Variants in PPP1R9B observed in about 807,000 individuals in gnomAD.
PPP1R9B encodes protein phosphatase 1 regulatory subunit 9B.
Under a neutral mutation model 75.8 loss-of-function variants are expected in PPP1R9B, and 17 were observed. The ratio of observed to expected loss-of-function variants is 0.22; its 90% CI spans 0.15 to 0.34. The LOEUF (loss-of-function observed/expected upper bound fraction) is 0.34, where lower values mean the gene tolerates loss of function less well. Ranked by LOEUF, PPP1R9B falls within the 10% of genes least tolerant of loss-of-function variation. The probability of loss-of-function intolerance (pLI) is 1.00; values close to 1 mark genes in which losing one functional copy is unlikely to be tolerated. For synonymous variants in PPP1R9B, 509 were observed against 535.4 expected (o/e 0.95, Z 0.68); for missense variants, 875 against 1,196.0 (o/e 0.73, Z 3.96).
chr17:50,141,328 C>A lies in PPP1R9B; in HGVS notation c.1671G>T (p.Leu557=). The A allele has an allele frequency of 6.3e-7, 1 of 1,593,466 alleles. No homozygotes were observed. Among genetic ancestry groups the A allele is most frequent in the East Asian group, 2.3e-5 (1 of 43,500 alleles). Reference sequence around the variant, plus strand: ...CCGCGAAGCTCTGGGTCACTCCCACCAGACTTGTTCCATCCACCTCCACCA... The same window carrying A: ...CCGCGAAGCTCTGGGTCACTCCCACAAGACTTGTTCCATCCACCTCCACCA... ...DLLVEVDGTS[L]VGVTQSFAAS... Residue 557 remains leucine, a synonymous_variant, in exon 4 of 10, where the codon CTG becomes CTT. Coordinates refer to ENST00000612501, the MANE Select transcript of PPP1R9B (RefSeq NM_032595.5).
intron 3 of PPP1R9B, among the ~76,000 whole-genome samples, chr17:50,141,913 C>T (rs902120943): frequency 6.6e-6 from 1 of 152,194 alleles, no homozygotes; most frequent in Non-Finnish European, 1.5e-5. Context: ...TCCCCTCCTT[C>T]ATCATACTTG....
At position 50,150,422 on chromosome 17, in the gene PPP1R9B, TTCAGCGCCTG is replaced by T; in HGVS notation, c.82_91del (p.Gln28SerfsTer71). On this transcript the variant is annotated frameshift_variant, in exon 1 of 10. Transcript: ENST00000612501. LOFTEE classifies it high-confidence loss of function. The surrounding 1 kb of genome is among the most constrained non-coding windows in gnomAD (Gnocchi z 8.7). Reference sequence around the variant, plus strand: ...GTCGGGCCCGGGCGCGTCGGGCGGCTTCAGCGCCTGGATGCCCGCCTCGTAGGCGCTGCGG... The same window carrying T: ...GTCGGGCCCGGGCGCGTCGGGCGGCTGATGCCCGCCTCGTAGGCGCTGCGG... 1 of 1,383,718 alleles carries T rather than the reference TTCAGCGCCTG, an allele frequency of 7.2e-7. No homozygotes were observed. The highest frequency in any genetic ancestry group is 9.4e-7 in the Non-Finnish European group (1 of 1,064,178). The allele number at this position is 1,383,718 out of a possible 1,614,324, so 85.7% of individuals were successfully genotyped here.
At position 50,135,155 on chromosome 17, in the gene PPP1R9B, G is replaced by A; in HGVS notation, c.*176C>T. ...CTCTGTCTGCCCAGGCCATCTTAAG[G>A]GGGCCTGTGATATGAGCCCTCTGGT... On this transcript the variant is annotated 3_prime_UTR_variant, in exon 10 of 10. Transcript: ENST00000612501. The A allele has an allele frequency of 4.9e-6, 3 of 617,800 alleles. No individual in the cohort carries two copies. Among genetic ancestry groups the A allele is most frequent in the Non-Finnish European group, 2.9e-6 (1 of 343,632 alleles). 38.3% of individuals were successfully genotyped at this position (617,800 alleles called of 1,614,324 possible).
Position 50,140,195 on chromosome 17 carries a change from C to G in PPP1R9B, c.1764G>C (p.Gln588His). ...GCTGAATTAGCTGGGCCACTTCGCTCTGCTCTCCCGGCCGCTCCCGGCCAA... is the reference window on the plus strand; with the variant it reads ...GCTGAATTAGCTGGGCCACTTCGCTGTGCTCTCCCGGCCGCTCCCGGCCAA... ...FMIGRERPGE[Q>H]SEVAQLIQQT... is the part of the protein sequence containing the mutation. Residue 588 changes from glutamine (Q) to histidine (H), a missense_variant, in exon 5 of 10, where the codon CAG (glutamine) becomes CAC (histidine). By Grantham distance (24) the Gln-to-His change is conservative. Coordinates refer to ENST00000612501, the MANE Select transcript of PPP1R9B (RefSeq NM_032595.5). The G allele has an allele frequency of 6.2e-7, 1 of 1,607,346 alleles. No homozygotes were observed. The highest frequency in any genetic ancestry group is 1.3e-5 in the African/African-American group (1 of 74,942).
In PPP1R9B at chr17:50,150,112, A is replaced by C. The variant is rs994646523; in HGVS notation, c.402T>G (p.Pro134=). 7.1e-7 allele frequency: 1 copy of C among 1,400,132 alleles called. No individual in the cohort carries two copies. Among genetic ancestry groups the C allele is most frequent in the Non-Finnish European group, 9.2e-7 (1 of 1,082,444 alleles). The allele number at this position is 1,400,132 out of a possible 1,614,324, so 86.7% of individuals were successfully genotyped here. A position where few individuals can be genotyped will look rare whatever the true frequency, so the allele number is the denominator to read the frequency against. The change falls in exon 1 of 10, where the codon CCT becomes CCG. Residue 134 remains proline (P), a synonymous_variant. Transcript: ENST00000612501. This position sits in a 1 kb window ranked among gnomAD's most constrained non-coding sequence, Gnocchi z 8.7. ...GGGACGGCGGGTGCGGCGGCGGCGC[A>C]GGCTGCGCGGAGGGCGCGGGCTTGG... ...FDSKPAPSAQ[P]APPPHPPSRL...
chr17:50,147,164 C>T (rs969667041), intron 1 of PPP1R9B, among the ~76,000 whole-genome samples: 4 of 152,254 alleles, frequency 2.6e-5, no homozygotes, highest in Non-Finnish European at 5.9e-5. Flanking sequence ...CTGCAGGAAT[C>T]CCAGGCCTGG....
In PPP1R9B at chr17:50,150,462, G is replaced by T; in HGVS notation, c.52C>A (p.Pro18Thr). The stretch of plus-strand genomic sequence containing the variant: ...CCCGCCTCGTAGGCGCTGCGGTGCG[G>T]GGAGGCGCTCCGGAGGGGACCCCCG... ...GPGGPLRSAS[P>T]HRSAYEAGIQ... Residue 18 changes from proline (P) to threonine (T), a missense_variant, in exon 1 of 10, where the codon CCG becomes ACG. Transcript: ENST00000612501. This position sits in a 1 kb window ranked among gnomAD's most constrained non-coding sequence, Gnocchi z 8.7. 1 of 1,388,338 alleles carries T rather than the reference G, an allele frequency of 7.2e-7. No homozygotes were observed. 86.0% of individuals were successfully genotyped at this position (1,388,338 alleles called of 1,614,324 possible).
chr17:50,135,900 G>A, intron 8 of PPP1R9B, 68 bp downstream of exon 8: 8 of 1,251,240 alleles, frequency 6.4e-6, no homozygotes, highest in Non-Finnish European at 8.9e-6. Flanking sequence ...GGAGGGATGG[G>A]GAGGGACTGT....
At chr17:50,148,064 GGAA>G (rs1447018576) in intron 1 of PPP1R9B, among the ~76,000 whole-genome samples, 1 of 152,124 alleles carries the variant, frequency 6.6e-6, no homozygotes, top group Non-Finnish European at 1.5e-5. Context: ...GGGGCGGTGA[GGAA>G]GAACCCTGCA....
At chr17:50,140,251 C>T (rs372183722) in intron 4 of PPP1R9B, 23 bp from the exon 5 acceptor site, 107 of 1,576,012 alleles carry the variant, frequency 6.8e-5, no homozygotes, top group Non-Finnish European at 8.7e-5. Flanking sequence ...CGGCATCATC[C>T]GCTGCCTCTG....
In PPP1R9B at chr17:50,134,921, G is replaced by A. The variant is rs1912177254; in HGVS notation, c.*410C>T. On this transcript the variant is annotated 3_prime_UTR_variant, in exon 10 of 10. Coordinates refer to ENST00000612501, the MANE Select transcript of PPP1R9B (RefSeq NM_032595.5). ...CAAGAGGCCCAGGGGCCACCCAGGTGCCCCATGGGCAGGGAGCAGCCCCCA... is the reference window on the plus strand; with the variant it reads ...CAAGAGGCCCAGGGGCCACCCAGGTACCCCATGGGCAGGGAGCAGCCCCCA... The A allele has an allele frequency of 5.1e-6, 1 of 195,358 alleles. No individual in the cohort carries two copies. The highest frequency in any genetic ancestry group is 2.3e-5 in the African/African-American group (1 of 42,706). 12.1% of individuals were successfully genotyped at this position (195,358 alleles called of 1,614,324 possible). A position where few individuals can be genotyped will look rare whatever the true frequency, so the allele number is the denominator to read the frequency against.
At position 50,149,737 on chromosome 17, in the gene PPP1R9B, G is replaced by GGGCGGC. The variant is rs755167550; in HGVS notation, c.771_776dup (p.Pro258_Pro259dup). 12 of 1,406,864 alleles carry GGGCGGC rather than the reference G, an allele frequency of 8.5e-6. No individual in the cohort carries two copies. The highest frequency in any genetic ancestry group is 3.0e-5 in the African/African-American group (2 of 65,698). 87.1% of individuals were successfully genotyped at this position (1,406,864 alleles called of 1,614,324 possible). On this transcript the variant is annotated inframe_insertion, in exon 1 of 10. Coordinates refer to ENST00000612501, the MANE Select transcript of PPP1R9B (RefSeq NM_032595.5). This position sits in a 1 kb window ranked among gnomAD's most constrained non-coding sequence, Gnocchi z 7.2. ...CGGCCGGGGCATCCCCCGACGGGGC[G>GGGCGGC]GGCGGCGGCGGCGGCGGGGGCTGGA...
In PPP1R9B at chr17:50,150,163, C is replaced by A; in HGVS notation, c.351G>T (p.Val117=). The A allele has an allele frequency of 6.9e-7, 1 of 1,449,140 alleles. No individual in the cohort carries two copies. The allele number at this position is 1,449,140 out of a possible 1,614,324, so 89.8% of individuals were successfully genotyped here. Reference sequence around the variant, plus strand: ...AGTCGAAGCGGCTCACGCGCTCCGACACGCTGGTGCCCAGCTTCAGCAGGG... The same window carrying A: ...AGTCGAAGCGGCTCACGCGCTCCGAAACGCTGGTGCCCAGCTTCAGCAGGG... ...HSALLKLGTS[V]SERVSRFDSK... The change falls in exon 1 of 10, where the codon GTG becomes GTT. Residue 117 remains valine, a synonymous_variant. Coordinates refer to ENST00000612501, the MANE Select transcript of PPP1R9B (RefSeq NM_032595.5). The surrounding 1 kb of genome is among the most constrained non-coding windows in gnomAD (Gnocchi z 8.7).
chr17:50,143,268 A>G (rs1912432885), intron 3 of PPP1R9B, among the ~76,000 whole-genome samples: 1 of 152,076 alleles, frequency 6.6e-6, no homozygotes, highest in Admixed American at 6.5e-5. Flanking sequence ...AAGCTCAAAT[A>G]TACTCCATGC....
In PPP1R9B at chr17:50,150,422, T is replaced by C; in HGVS notation, c.92A>G (p.Lys31Arg). The change falls in exon 1 of 10, where the codon AAG becomes AGG. Residue 31 changes from lysine to arginine, a missense_variant. By Grantham distance (26) the Lys-to-Arg change is conservative (BLOSUM62 2). Transcript: ENST00000612501. This position sits in a 1 kb window ranked among gnomAD's most constrained non-coding sequence, Gnocchi z 8.7. ...GTCGGGCCCGGGCGCGTCGGGCGGC[T>C]TCAGCGCCTGGATGCCCGCCTCGTA... ...SAYEAGIQALKPPDAPGPDEA... is the reference protein window; with the variant it reads ...SAYEAGIQALRPPDAPGPDEA... 1 of 1,383,718 alleles carries C rather than the reference T, an allele frequency of 7.2e-7. No individual in the cohort carries two copies. Among genetic ancestry groups the C allele is most frequent in the Non-Finnish European group, 9.4e-7 (1 of 1,064,178 alleles). 85.7% of individuals were successfully genotyped at this position (1,383,718 alleles called of 1,614,324 possible).
chr17:50,137,698 C>T (rs1912265246), intron 7 of PPP1R9B, among the ~76,000 whole-genome samples: 1 of 152,192 alleles, frequency 6.6e-6, no homozygotes, highest in South Asian at 2.1e-4. Context: ...CCAATGGCCA[C>T]ATACCCCATG....
chr17:50,135,143 G>A lies in PPP1R9B; in HGVS notation c.*188C>T. The A allele has an allele frequency of 1.6e-6, 1 of 610,392 alleles. No individual in the cohort carries two copies. The highest frequency in any genetic ancestry group is 2.9e-6 in the Non-Finnish European group (1 of 340,182). 37.8% of individuals were successfully genotyped at this position (610,392 alleles called of 1,614,324 possible). ...CCTTCTAGCCACCTCTGTCTGCCCAGGCCATCTTAAGGGGGCCTGTGATAT... is the reference window on the plus strand; with the variant it reads ...CCTTCTAGCCACCTCTGTCTGCCCAAGCCATCTTAAGGGGGCCTGTGATAT... On this transcript the variant is annotated 3_prime_UTR_variant, in exon 10 of 10. Coordinates refer to ENST00000612501, the MANE Select transcript of PPP1R9B (RefSeq NM_032595.5).
chr17:50,150,254 G>A lies in PPP1R9B; in HGVS notation c.260C>T (p.Ser87Phe). 1 of 1,438,766 alleles carries A rather than the reference G, an allele frequency of 7.0e-7. No individual in the cohort carries two copies. Among genetic ancestry groups the A allele is most frequent in the South Asian group, 1.4e-5 (1 of 71,498 alleles). The allele number at this position is 1,438,766 out of a possible 1,614,324, so 89.1% of individuals were successfully genotyped here. ...GAGLAEAPRA[S>F]ERGVRLSLPR... ...CAGCGACAGGCGCACGCCGCGCTCGGACGCCCGTGGGGCCTCGGCCAGGCC... is the reference window on the plus strand; with the variant it reads ...CAGCGACAGGCGCACGCCGCGCTCGAACGCCCGTGGGGCCTCGGCCAGGCC... Residue 87 changes from serine to phenylalanine, a missense_variant, in exon 1 of 10, where the codon TCC becomes TTC. Physicochemically the swap from Ser to Phe is radical, Grantham distance 155. Around this residue, in one of 4 missense-constraint regions of PPP1R9B, gnomAD observed 145 missense variants for 226.1 expected, o/e 0.64. Transcript: ENST00000612501. The surrounding 1 kb of genome is among the most constrained non-coding windows in gnomAD (Gnocchi z 8.7).
chr17:50,134,803 C>T lies in PPP1R9B; in HGVS notation c.*528G>A, dbSNP rs773311522. On this transcript the variant is annotated 3_prime_UTR_variant, in exon 10 of 10. Transcript: ENST00000612501. Reference sequence around the variant, plus strand: ...AGGGATGGGGGAGGTGTTGAGGCAACGCCCCCACCCCCCAGGCGGGAGGGT... The same window carrying T: ...AGGGATGGGGGAGGTGTTGAGGCAATGCCCCCACCCCCCAGGCGGGAGGGT... 5.6e-5 allele frequency: 9 copies of T among 161,314 alleles called. No homozygotes were observed. The highest frequency in any genetic ancestry group is 9.5e-5 in the Non-Finnish European group (7 of 73,388). The allele number at this position is 161,314 out of a possible 1,614,324, so 10.0% of individuals were successfully genotyped here.
Sources: gnomAD v4.1 joint callset for allele counts (sites outside exome capture counted in the v4.1 genomes callset) on GRCh38, gnomAD v4.1.1 for gene constraint, gnomAD v4.1.1 regional missense constraint, Gnocchi (gnomAD v3.1) non-coding constraint, MANE v1.5 for transcripts, NCBI Gene and HGNC (gene_info 2026-07-23, HGNC 2026-07-21) for gene names.